The following NEDD4L variants were observed in gnomAD, a reference collection of about 807,000 sequenced individuals.
The protein encoded by NEDD4L is E3 ubiquitin-protein ligase NEDD4-like.
NEDD4L carries 54 observed loss-of-function variants against 148.9 expected under a neutral mutation model. The observed-to-expected ratio is 0.36, with a 90% CI of 0.29 to 0.45. The LOEUF is 0.45. NEDD4L is among the 20% of genes least tolerant of loss of function. The pLI, the probability that NEDD4L is intolerant of heterozygous loss-of-function variation, is 1.00. For missense variants in NEDD4L, 856 were observed against 1,233.8 expected, an observed-to-expected ratio of 0.69 and a Z score of 4.59; for synonymous variants, 433 against 440.7, an observed-to-expected ratio of 0.98 and a Z score of 0.22.
At chr18:58,066,949 A>G (rs879937463) in intron 1 of NEDD4L, among the ~76,000 whole-genome samples, 1 of 152,214 alleles carries the variant, frequency 6.6e-6, no homozygotes, top group Admixed American at 6.5e-5. Context: ...GCAATTCCAC[A>G]TGAGATTTGA....
rs890432346 is a variant in NEDD4L, at chr18:58,379,773, G to A, written c.2353-3473G>A. ...GGTCATTGCTTCTCATGAAAGTGTC[G>A]CCGTAACTCATGAAAGTGTCACCTG... On this transcript the variant is annotated intron_variant, in intron 24 of 30. Transcript: ENST00000400345. Among the ~76,000 whole-genome samples, 5 of 152,116 alleles carry A rather than the reference G, an allele frequency of 3.3e-5. No individual in the cohort carries two copies. The East Asian group carries it at 7.7e-4, about 23-fold the overall frequency.
At chr18:58,303,998 A>T (rs929147553) in intron 5 of NEDD4L, among the ~76,000 whole-genome samples, 2 of 152,112 alleles carry the variant, frequency 1.3e-5, no homozygotes, top group Non-Finnish European at 2.9e-5. Flanking sequence ...ATTGGACAGT[A>T]GTCCTCAACT....
chr18:58,096,026 A>G (rs556465031), intron 1 of NEDD4L, among the ~76,000 whole-genome samples: 1 of 152,190 alleles, frequency 6.6e-6, no homozygotes, highest in East Asian at 1.9e-4. Context: ...AAGCCAAAAG[A>G]TTGGACACCC....
intron 1 of NEDD4L, among the ~76,000 whole-genome samples, chr18:58,144,728 C>T (rs2033920724): frequency 6.6e-6 from 1 of 152,178 alleles, no homozygotes; most frequent in South Asian, 2.1e-4. Context: ...GTCTCCCTCG[C>T]GTGTACCGCA....
chr18:58,343,206 C>A, intron 16 of NEDD4L, 103 bp downstream of exon 16: 1 of 931,646 alleles, frequency 1.1e-6, no homozygotes, highest in Non-Finnish European at 1.5e-6. Context: ...ATTGGATTGA[C>A]TGTAAAGGGT....
At chr18:58,193,168 T>C (rs906561319) in intron 2 of NEDD4L, among the ~76,000 whole-genome samples, 1 of 152,240 alleles carries the variant, frequency 6.6e-6, no homozygotes, top group Non-Finnish European at 1.5e-5. Flanking sequence ...TATGAGAATG[T>C]ACATCTGATT....
rs73448442 is a variant in NEDD4L at position 58,157,581 on chromosome 18, C to T, written c.49-8207C>T. The stretch of plus-strand genomic sequence containing the variant: ...ATTTTTTTTTTAAATTTCATACTTA[C>T]AAATGATCATGTATCTTAAGTTTTC... On this transcript the variant is annotated intron_variant, in intron 1 of 30. Transcript: ENST00000400345. 8.7e-3 allele frequency among the ~76,000 whole-genome samples: 1,327 copies of T among 152,178 alleles called. 18 individuals are homozygous for T. The highest frequency in any genetic ancestry group is 0.029 in the African/African-American group (1,204 of 41,506).
At chr18:58,348,970 A>T (rs569610861) in intron 16 of NEDD4L, among the ~76,000 whole-genome samples, 2 of 152,352 alleles carry the variant, frequency 1.3e-5, no homozygotes, top group East Asian at 3.9e-4. Context: ...GTTGTATCAT[A>T]ACTTTGTGAG....
intron 23 of NEDD4L, among the ~76,000 whole-genome samples, chr18:58,370,723 T>TTACTAAA (rs2046749881): frequency 6.6e-6 from 1 of 152,240 alleles, no homozygotes; most frequent in African/African-American, 2.4e-5. Flanking sequence ...GGCATAGGAC[T>TTACTAAA]TGTGTGAACT....
At chr18:58,062,116 A>G (rs1338237028) in intron 1 of NEDD4L, among the ~76,000 whole-genome samples, 1 of 152,228 alleles carries the variant, frequency 6.6e-6, no homozygotes, top group East Asian at 1.9e-4. Context: ...TGTTCCAAAG[A>G]AGGCTGCTTT....
chr18:58,083,866 T>C (rs987587441), intron 1 of NEDD4L, among the ~76,000 whole-genome samples: 1 of 152,112 alleles, frequency 6.6e-6, no homozygotes, highest in Non-Finnish European at 1.5e-5. Context: ...AAGTAGCTGG[T>C]ACTACAGGCA....
At chr18:58,217,090 A>G (rs1392413409) in intron 2 of NEDD4L, among the ~76,000 whole-genome samples, 2 of 152,220 alleles carry the variant, frequency 1.3e-5, no homozygotes, top group African/African-American at 2.4e-5. Flanking sequence ...TGATGAAACA[A>G]TTTGCCTTTC....
chr18:58,125,358 GGTGTGTGTGTGT>G (rs34644275), intron 1 of NEDD4L, among the ~76,000 whole-genome samples: 130 of 148,820 alleles, frequency 8.7e-4, no homozygotes, highest in Non-Finnish European at 1.7e-3. Context: ...CCACCAGGAG[GGTGTGTGTGTGT>G]GTGTGTGTGT....
intron 16 of NEDD4L, 102 bp downstream of exon 16, chr18:58,343,205 A>T (rs2042635580): frequency 1.9e-6 from 2 of 1,060,540 alleles, no homozygotes; most frequent in African/African-American, 3.3e-5. Flanking sequence ...AATTGGATTG[A>T]CTGTAAAGGG....
At chr18:58,167,880 C>T (rs1468175938) in intron 2 of NEDD4L, among the ~76,000 whole-genome samples, 1 of 151,828 alleles carries the variant, frequency 6.6e-6, no homozygotes, top group Non-Finnish European at 1.5e-5. Flanking sequence ...TCTTTTTAAG[C>T]TTGATTGGGT....
chr18:58,075,657 G>A (rs974410904), intron 1 of NEDD4L, among the ~76,000 whole-genome samples: 17 of 152,118 alleles, frequency 1.1e-4, no homozygotes, highest in Non-Finnish European at 2.4e-4. Context: ...TGGGTGTGGC[G>A]CCTCATGATT....
chr18:58,396,228 A>G lies in NEDD4L; in HGVS notation c.2887A>G (p.Met963Val). 1 of 1,613,634 alleles carries G rather than the reference A, an allele frequency of 6.2e-7. No homozygotes were observed. Among genetic ancestry groups the G allele is most frequent in the Non-Finnish European group, 8.5e-7 (1 of 1,179,688 alleles). The change falls in exon 31 of 31, where the codon ATG becomes GTG. Residue 963 changes from methionine (M) to valine (V), a missense_variant. Coordinates refer to ENST00000400345, the MANE Select transcript of NEDD4L (RefSeq NM_001144967.3). ...TGAAGATTTACGAGAGAAACTTCTC[A>G]TGGCCGTGGAAAATGCTCAAGGATT... ...TFEDLREKLL[M>V]AVENAQGFEG...
At chr18:58,391,083 G>T (rs1212143411) in intron 29 of NEDD4L, among the ~76,000 whole-genome samples, 1 of 151,966 alleles carries the variant, frequency 6.6e-6, no homozygotes, top group African/African-American at 2.4e-5. Context: ...GTCACCTCCA[G>T]TAGGCAGAAT....
intron 1 of NEDD4L, among the ~76,000 whole-genome samples, chr18:58,096,918 A>G (rs1392881459): frequency 6.6e-6 from 1 of 152,192 alleles, no homozygotes; most frequent in Non-Finnish European, 1.5e-5. Context: ...CTAAATTGCC[A>G]TGTGGAAGAA....
Sources: gnomAD v4.1 joint callset for allele counts (sites outside exome capture counted in the v4.1 genomes callset) on GRCh38, gnomAD v4.1.1 for gene constraint, MANE v1.5 for transcripts, NCBI Gene and HGNC (gene_info 2026-07-23, HGNC 2026-07-21) for gene names.